The following AGBL4 variants were observed in gnomAD, a reference collection of about 807,000 sequenced individuals.
The protein encoded by AGBL4 is AGBL carboxypeptidase 4.
AGBL4 carries 58 observed loss-of-function variants against 66.4 expected under a neutral mutation model. The observed-to-expected ratio is 0.87, with a 90% CI of 0.71 to 1.09. The LOEUF (loss-of-function observed/expected upper bound fraction) is 1.09. AGBL4 is among the 50% of genes least tolerant of loss of function. The probability of loss-of-function intolerance (pLI) is 0.00; values close to 1 mark genes in which losing one functional copy is unlikely to be tolerated. For missense variants in AGBL4, 579 were observed against 631.0 expected, an observed-to-expected ratio of 0.92 and a Z score of 0.88; for synonymous variants, 234 against 222.9, an observed-to-expected ratio of 1.05 and a Z score of -0.44.
chr1:48,671,799 A>C (rs959220271), intron 6 of AGBL4, among the ~76,000 whole-genome samples: 1 of 152,242 alleles, frequency 6.6e-6, no homozygotes, highest in Non-Finnish European at 1.5e-5. Context: ...TGCCTGGCAC[A>C]CATGATGTTC....
chr1:49,136,651 G>A (rs1376426123), intron 4 of AGBL4, among the ~76,000 whole-genome samples: 1 of 152,098 alleles, frequency 6.6e-6, no homozygotes. Flanking sequence ...GTCTTTAATA[G>A]CTCTAAGCAC....
intron 5 of AGBL4, among the ~76,000 whole-genome samples, chr1:49,043,080 G>A (rs1355493710): frequency 5.3e-5 from 8 of 152,088 alleles, no homozygotes. Context: ...CAATTCATAT[G>A]TCTGGTAAAT....
Position 49,266,945 on chromosome 1 carries a change from T to C in AGBL4, c.283-21081A>G, listed in dbSNP as rs1327615816. 3.9e-5 allele frequency among the ~76,000 whole-genome samples: 6 copies of C among 152,226 alleles called. No homozygotes were observed. In the East Asian group the frequency reaches 1.2e-3, roughly 29 times the overall value. On this transcript the variant is annotated intron_variant, in intron 3 of 13. Transcript: ENST00000371839. The stretch of plus-strand genomic sequence containing the variant: ...AGCACCTAAGGCTGCACTGAATGAC[T>C]GTTCCAGGGTTTATACTGGTCTCTG...
At chr1:49,054,662 T>C (rs1644278395) in intron 4 of AGBL4, among the ~76,000 whole-genome samples, 1 of 151,978 alleles carries the variant, frequency 6.6e-6, no homozygotes, top group African/African-American at 2.4e-5. Context: ...AACAGAACTA[T>C]ACAATTTTTA....
At chr1:48,940,692 C>T (rs1331658706) in intron 5 of AGBL4, among the ~76,000 whole-genome samples, 1 of 152,168 alleles carries the variant, frequency 6.6e-6, no homozygotes, top group Non-Finnish European at 1.5e-5. Flanking sequence ...AGCTGGGAAA[C>T]TTCCTCCTGC....
chr1:48,586,007 A>G (rs986061197), intron 11 of AGBL4: 1 of 152,222 alleles, frequency 6.6e-6, no homozygotes, highest in Non-Finnish European at 1.5e-5. Flanking sequence ...CATTTCATCT[A>G]AAGTTCCTTC....
intron 2 of AGBL4, chr1:49,845,118 A>G: frequency 7.0e-7 from 1 of 1,437,760 alleles, no homozygotes; most frequent in Non-Finnish European, 9.8e-7. Flanking sequence ...ACAGCTCAGC[A>G]CTTACCCAAC....
intron 1 of AGBL4, among the ~76,000 whole-genome samples, chr1:49,923,140 A>T (rs1449409078): frequency 6.6e-6 from 1 of 152,172 alleles, no homozygotes; most frequent in Non-Finnish European, 1.5e-5. Context: ...ATGGAACAAA[A>T]TAGAAACCAA....
intron 4 of AGBL4, among the ~76,000 whole-genome samples, chr1:49,218,706 C>A (rs1207284633): frequency 6.6e-6 from 1 of 152,088 alleles, no homozygotes; most frequent in African/African-American, 2.4e-5. Context: ...ATTGCAGTAG[C>A]CCCTCTGATA....
chr1:49,353,636 G>T (rs2148523798), intron 3 of AGBL4, among the ~76,000 whole-genome samples: 1 of 152,134 alleles, frequency 6.6e-6, no homozygotes, highest in African/African-American at 2.4e-5. Flanking sequence ...GGACCTAAAT[G>T]AGAAAAGGCA....
intron 5 of AGBL4, among the ~76,000 whole-genome samples, chr1:48,881,124 G>A (rs1256020937): frequency 2.6e-5 from 4 of 152,112 alleles, no homozygotes; most frequent in African/African-American, 4.8e-5. Flanking sequence ...GTCTAAAAGT[G>A]TGTACCTTTT....
intron 6 of AGBL4, among the ~76,000 whole-genome samples, chr1:48,809,595 C>T (rs1313019623): frequency 6.6e-6 from 1 of 152,146 alleles, no homozygotes; most frequent in Non-Finnish European, 1.5e-5. Context: ...TGGAGGAAGA[C>T]TGGAGTCCTG....
rs183206256 is a variant in AGBL4, at chr1:49,038,573, C to T, written c.594+7011G>A. On this transcript the variant is annotated intron_variant, in intron 5 of 13. Coordinates refer to ENST00000371839, the MANE Select transcript of AGBL4 (RefSeq NM_032785.4). ...CAGATACTTTACAAAAGAAGATATA[C>T]AAATGGAAAATAAGCATATGAGAAG... Among the ~76,000 whole-genome samples, 302 of 152,136 alleles carry T rather than the reference C, an allele frequency of 2.0e-3. 2 individuals carry two copies. Among genetic ancestry groups the T allele is most frequent in the African/African-American group, 7.0e-3 (292 of 41,524 alleles).
chr1:48,859,401 T>C (rs1310713177), intron 6 of AGBL4, among the ~76,000 whole-genome samples: 2 of 152,180 alleles, frequency 1.3e-5, no homozygotes, highest in Non-Finnish European at 2.9e-5. Context: ...TTCCATGGGC[T>C]CTCCAGTGGG....
intron 2 of AGBL4, among the ~76,000 whole-genome samples, chr1:49,765,642 T>C (rs1652676772): frequency 6.6e-6 from 1 of 151,604 alleles, no homozygotes; most frequent in Non-Finnish European, 1.5e-5. Flanking sequence ...ATTCAAAACA[T>C]GGATTACAAA....
intron 5 of AGBL4, among the ~76,000 whole-genome samples, chr1:48,896,801 A>G (rs1342259110): frequency 6.6e-6 from 1 of 152,222 alleles, no homozygotes; most frequent in African/African-American, 2.4e-5. Context: ...GTACAAATAA[A>G]AAGATTTATT....
intron 3 of AGBL4, among the ~76,000 whole-genome samples, chr1:49,665,321 T>C (rs1367454586): frequency 6.6e-6 from 1 of 152,140 alleles, no homozygotes; most frequent in African/African-American, 2.4e-5. Context: ...TTATTTTTGG[T>C]ATCCAATTCC....
chr1:49,681,955 C>T (rs1054680854), intron 3 of AGBL4, among the ~76,000 whole-genome samples: 1 of 152,116 alleles, frequency 6.6e-6, no homozygotes, highest in Non-Finnish European at 1.5e-5. Flanking sequence ...CATTAAGCTG[C>T]AATTTTATTT....
At chr1:48,648,719 T>C (rs1445876771) in intron 8 of AGBL4, among the ~76,000 whole-genome samples, 9 of 152,240 alleles carry the variant, frequency 5.9e-5, no homozygotes, top group Admixed American at 2.0e-4. Flanking sequence ...TCTTGGTCAC[T>C]GTTGTATGAC....
Sources: allele counts gnomAD v4.1 joint callset (sites outside exome capture counted in the v4.1 genomes callset), GRCh38; gene constraint gnomAD v4.1.1; transcripts MANE v1.5; gene names NCBI Gene and HGNC (gene_info 2026-07-23, HGNC 2026-07-21).